The following FANK1 variants were observed in gnomAD, a reference collection of about 807,000 sequenced individuals.
FANK1 encodes fibronectin type 3 and ankyrin repeat domains protein 1.
A neutral mutation model predicts 45.3 loss-of-function variants in FANK1; 44 were observed. The observed-to-expected ratio is 0.97, with a 90% CI of 0.76 to 1.25. FANK1 has a LOEUF of 1.25. FANK1 is among the 50% of genes most tolerant of loss of function. The pLI, the probability that FANK1 is intolerant of heterozygous loss-of-function variation, is 0.00. For missense variants in FANK1, 391 were observed against 424.4 expected (o/e 0.92, Z 0.69); for synonymous variants, 149 against 152.5 (o/e 0.98, Z 0.17).
intron 1 of FANK1, among the ~76,000 whole-genome samples, chr10:125,976,624 A>G (rs1218565517): frequency 6.7e-6 from 1 of 148,450 alleles, no homozygotes; most frequent in African/African-American, 2.5e-5. Flanking sequence ...TGCATTGTAA[A>G]TTTTTTTTTT....
intron 1 of FANK1, among the ~76,000 whole-genome samples, chr10:125,904,813 TC>T (rs1945342958): frequency 6.6e-6 from 1 of 152,284 alleles, no homozygotes; most frequent in Non-Finnish European, 1.5e-5. Context: ...ATGGCTCTGT[TC>T]CCTTTATTTT....
intron 7 of FANK1, among the ~76,000 whole-genome samples, chr10:126,006,390 C>T (rs1480438562): frequency 1.3e-5 from 2 of 152,194 alleles, no homozygotes; most frequent in Non-Finnish European, 2.9e-5. Flanking sequence ...GTTTTAGAGA[C>T]AGGCACAGAG....
intron 1 of FANK1, among the ~76,000 whole-genome samples, chr10:125,917,061 T>C (rs201234006): frequency 6.6e-6 from 1 of 152,266 alleles, no homozygotes; most frequent in Admixed American, 6.5e-5. Flanking sequence ...TGTTAAAAAT[T>C]ATGGGAGGCC....
chr10:125,979,310 A>G (rs1590143641), intron 1 of FANK1, among the ~76,000 whole-genome samples: 1 of 152,030 alleles, frequency 6.6e-6, no homozygotes, highest in East Asian at 1.9e-4. Flanking sequence ...AGAGTCAGGT[A>G]CACCAGCTGC....
intron 1 of FANK1, among the ~76,000 whole-genome samples, chr10:125,971,028 A>G (rs1950484488): frequency 6.6e-6 from 1 of 152,172 alleles, no homozygotes; most frequent in African/African-American, 2.4e-5. Flanking sequence ...GTATTATAAA[A>G]CTTGGGGGTG....
Position 126,009,569 on chromosome 10 carries a change from T to C in FANK1, c.*131T>C, listed in dbSNP as rs1177146949. On this transcript the variant is annotated 3_prime_UTR_variant, in exon 11 of 11. Transcript: ENST00000368693. ...TTAGTTGAAGATTCACTGATCCCAC[T>C]TTGAAATACATCTTTTTACCTAAGC... 1 of 922,676 alleles carries C rather than the reference T, an allele frequency of 1.1e-6. No individual in the cohort carries two copies. Among genetic ancestry groups the C allele is most frequent in the African/African-American group, 1.7e-5 (1 of 59,706 alleles). The allele number at this position is 922,676 out of a possible 1,614,324, so 57.2% of individuals were successfully genotyped here. A position where few individuals can be genotyped will look rare whatever the true frequency, so the allele number is the denominator to read the frequency against.
chr10:125,995,315 C>A, intron 3 of FANK1, 102 bp from the exon 4 acceptor site: 1 of 1,019,638 alleles, frequency 9.8e-7, no homozygotes. Flanking sequence ...TAGCCAAGCG[C>A]CTTCCTGAAG....
At chr10:125,955,544 G>A (rs914630914) in intron 1 of FANK1, among the ~76,000 whole-genome samples, 3 of 152,030 alleles carry the variant, frequency 2.0e-5, no homozygotes, top group South Asian at 2.1e-4. Flanking sequence ...GCAGTGGTGC[G>A]ATCATGACTC....
intron 1 of FANK1, among the ~76,000 whole-genome samples, chr10:125,935,341 C>A (rs1281290529): frequency 2.0e-5 from 3 of 152,158 alleles, no homozygotes; most frequent in African/African-American, 7.2e-5. Flanking sequence ...TTACATGGCA[C>A]CTGGCATCCA....
At chr10:125,949,087 C>T (rs1289202914) in intron 1 of FANK1, among the ~76,000 whole-genome samples, 2 of 151,576 alleles carry the variant, frequency 1.3e-5, no homozygotes, top group Non-Finnish European at 2.9e-5. Context: ...GCTAAAAACT[C>T]TCAATAAATT....
intron 6 of FANK1, 53 bp from the exon 7 acceptor site, chr10:126,004,831 T>G: frequency 8.2e-6 from 13 of 1,590,058 alleles, no homozygotes; most frequent in Non-Finnish European, 1.0e-5. Context: ...AAGGTGGAGC[T>G]GAGTTTGGTG....
At chr10:125,971,377 TCCTGAAGGTCAGCAGCCTC>T (rs1026655322) in intron 1 of FANK1, among the ~76,000 whole-genome samples, 1 of 151,936 alleles carries the variant, frequency 6.6e-6, no homozygotes, top group Non-Finnish European at 1.5e-5. Context: ...TGGACTGGGC[TCCTGAAGGTCAGCAGCCTC>T]CCTGACCTCG....
intron 6 of FANK1, among the ~76,000 whole-genome samples, chr10:126,003,401 A>G (rs1315090745): frequency 6.6e-6 from 1 of 151,670 alleles, no homozygotes; most frequent in Non-Finnish European, 1.5e-5. Flanking sequence ...TTTAAGAATT[A>G]AAAAAAAATT....
At chr10:125,971,797 T>C (rs1163123206) in intron 1 of FANK1, among the ~76,000 whole-genome samples, 1 of 152,090 alleles carries the variant, frequency 6.6e-6, no homozygotes, top group Non-Finnish European at 1.5e-5. Context: ...AATTTTTTTG[T>C]ATTTTTAGTA....
rs1372450081 is a variant in FANK1 at position 125,909,753 on chromosome 10, C to T, written c.13+13098C>T. 4.0e-5 allele frequency among the ~76,000 whole-genome samples: 5 copies of T among 123,750 alleles called. No homozygotes were observed. The South Asian group carries it at 7.6e-4, about 19-fold the overall frequency. 81.2% of individuals were successfully genotyped at this position (123,750 alleles called of 152,430 possible). A position where few individuals can be genotyped will look rare whatever the true frequency, so the allele number is the denominator to read the frequency against. ...TGTTGCCTGGGGTGGTATTGAAGTT[C>T]TGGCCTCAAGCAAACCTCCTGCCTT... On this transcript the variant is annotated intron_variant, in intron 1 of 10. Coordinates refer to ENST00000368693, the MANE Select transcript of FANK1 (RefSeq NM_145235.5).
chr10:125,964,539 A>AT (rs1950108792), intron 1 of FANK1, among the ~76,000 whole-genome samples: 1 of 152,148 alleles, frequency 6.6e-6, no homozygotes. Flanking sequence ...TTCTTTTGTG[A>AT]TTCGACCTTA....
intron 1 of FANK1, among the ~76,000 whole-genome samples, chr10:125,906,342 C>T (rs150088541): frequency 6.6e-6 from 1 of 151,362 alleles, no homozygotes; most frequent in Non-Finnish European, 1.5e-5. Context: ...ATGGTGAAAC[C>T]CCATCTCTAT....
chr10:125,900,963 C>CT (rs113742142), intron 1 of FANK1, among the ~76,000 whole-genome samples: 27 of 149,002 alleles, frequency 1.8e-4, no homozygotes, highest in South Asian at 6.4e-4. Flanking sequence ...TTCTGCCCCC[C>CT]TTTTTTTTTT....
intron 1 of FANK1, among the ~76,000 whole-genome samples, chr10:125,945,157 C>T (rs1170767324): frequency 1.3e-5 from 2 of 152,032 alleles, no homozygotes; most frequent in Non-Finnish European, 2.9e-5. Context: ...GAGCTCAATA[C>T]ATTTAATCTA....
Sources: allele counts gnomAD v4.1 joint callset (sites outside exome capture counted in the v4.1 genomes callset), GRCh38; gene constraint gnomAD v4.1.1; transcripts MANE v1.5; gene names NCBI Gene and HGNC (gene_info 2026-07-23, HGNC 2026-07-21).